Variants in SFSWAP observed in about 807,000 individuals in gnomAD.
SFSWAP encodes the protein splicing factor SWAP.
SFSWAP carries 17 observed loss-of-function variants against 100.7 expected under a neutral mutation model. The observed-to-expected ratio is 0.17, with a 90% confidence interval of 0.12 to 0.25. The LOEUF is 0.25. SFSWAP is among the 10% of genes least tolerant of loss of function. The pLI is 1.00. For missense variants in SFSWAP, 1,005 were observed against 1,262.6 expected (o/e 0.80, Z 3.09); for synonymous variants, 504 against 510.1 (o/e 0.99, Z 0.16).
At position 131,714,905 on chromosome 12, in the gene SFSWAP, T is replaced by G. The variant is rs1382295005; in HGVS notation, c.472T>G (p.Tyr158Asp). Residue 158 changes from tyrosine (Y) to aspartate (D), a missense_variant, in exon 3 of 18, where the codon TAC (tyrosine) becomes GAC (aspartate). Around this residue, in one of 7 missense-constraint regions of SFSWAP, gnomAD observed 237 missense variants for 337.0 expected, o/e 0.70. Coordinates refer to ENST00000261674, the MANE Select transcript of SFSWAP (RefSeq NM_004592.4). This position sits in a 1 kb window ranked among gnomAD's most constrained non-coding sequence, Gnocchi z 6.0. ...GGGGTTCACTTACGGTAGCGACTAT[T>G]ACGACCCGTCAGAGCCGACGGAGGA... is the stretch of plus-strand genomic sequence containing the variant. ...AVGFTYGSDY[Y>D]DPSEPTEEEE... is the part of the protein sequence containing the mutation. 7 of 1,614,026 alleles carry G rather than the reference T, an allele frequency of 4.3e-6. No individual in the cohort carries two copies. The Admixed American group carries it at 1.2e-4, about 27-fold the overall frequency.
Position 131,731,901 on chromosome 12 carries a change from CTTTTTTT to C in SFSWAP, c.1081+3493_1081+3499del, listed in dbSNP as rs755819493. Among the ~76,000 whole-genome samples, 256 of 55,310 alleles carry C rather than the reference CTTTTTTT, an allele frequency of 4.6e-3. No individual in the cohort carries two copies. The East Asian group carries it at 0.048, about 10-fold the overall frequency. The allele number at this position is 55,310 out of a possible 152,430, so 36.3% of individuals were successfully genotyped here. ...TTTTTGAGTATGCATTACTATTTTA[CTTTTTTT>C]TTTTTTTTTTTTTTTTTTTGAGACG... On this transcript the variant is annotated intron_variant, in intron 7 of 17. Transcript: ENST00000261674.
intron 13 of SFSWAP, among the ~76,000 whole-genome samples, chr12:131,769,199 T>G (rs1001497566): frequency 2.6e-5 from 4 of 152,166 alleles, no homozygotes; most frequent in African/African-American, 9.7e-5. Context: ...TGAGGACGCT[T>G]GTAGCCACAC....
chr12:131,711,574 T>A lies in SFSWAP; in HGVS notation c.218+127T>A. ...CAGCGGGGATCTGGGGGACACCCCC[T>A]CCCCTGTCCCCACCTCCTCCTGGTG... On this transcript the variant is annotated intron_variant, in intron 1 of 17. Coordinates refer to ENST00000261674, the MANE Select transcript of SFSWAP (RefSeq NM_004592.4). The surrounding 1 kb of genome is among the most constrained non-coding windows in gnomAD (Gnocchi z 4.9). 1.4e-6 allele frequency: 1 copy of A among 739,966 alleles called. No individual in the cohort carries two copies. 45.8% of individuals were successfully genotyped at this position (739,966 alleles called of 1,614,324 possible).
rs557133367 is a variant in SFSWAP at position 131,753,559 on chromosome 12, G to A, written c.1322+196G>A. ...AAATGGTTGTAGCACAAACTTTTTA[G>A]CATTGAAGTTAAACCACTTATAAAG... On this transcript the variant is annotated intron_variant, in intron 8 of 17. Transcript: ENST00000261674. 3.1e-4 allele frequency: 218 copies of A among 707,726 alleles called. 2 individuals carry two copies. In the South Asian group the frequency reaches 5.1e-3, roughly 17 times the overall value. 43.8% of individuals were successfully genotyped at this position (707,726 alleles called of 1,614,324 possible).
chr12:131,737,820 A>T (rs544049429), intron 7 of SFSWAP, among the ~76,000 whole-genome samples: 47 of 152,138 alleles, frequency 3.1e-4, no homozygotes, highest in Non-Finnish European at 5.4e-4. Flanking sequence ...TATATATATA[A>T]AATATGTGTA....
chr12:131,779,082 C>T (rs540935633), intron 14 of SFSWAP, among the ~76,000 whole-genome samples: 11 of 149,648 alleles, frequency 7.4e-5, no homozygotes, highest in Admixed American at 3.3e-4. Flanking sequence ...ACGCACTCAC[C>T]GGCACCGCAC....
chr12:131,768,133 A>G (rs1001265610), intron 13 of SFSWAP, among the ~76,000 whole-genome samples: 1 of 152,218 alleles, frequency 6.6e-6, no homozygotes, highest in Non-Finnish European at 1.5e-5. Context: ...TGCCCTGAAT[A>G]CTGCAGCTGC....
At chr12:131,753,560 C>A in intron 8 of SFSWAP, 197 bp downstream of exon 8, 1 of 704,104 alleles carries the variant, frequency 1.4e-6, no homozygotes, top group Non-Finnish European at 2.3e-6. Flanking sequence ...AACTTTTTAG[C>A]ATTGAAGTTA....
At chr12:131,721,775 G>A (rs1390980941) in intron 4 of SFSWAP, among the ~76,000 whole-genome samples, 1 of 152,172 alleles carries the variant, frequency 6.6e-6, no homozygotes, top group East Asian at 1.9e-4. Flanking sequence ...GTAAGTCTTA[G>A]TGTGTAGCAA....
At chr12:131,757,182 G>C (rs1044139022) in intron 11 of SFSWAP, 1 of 153,252 alleles carries the variant, frequency 6.5e-6, no homozygotes, top group Non-Finnish European at 1.5e-5. Context: ...CAGGAACCTC[G>C]TGGAGCAGCA....
At chr12:131,774,566 C>T (rs1466535401) in intron 13 of SFSWAP, among the ~76,000 whole-genome samples, 1 of 152,184 alleles carries the variant, frequency 6.6e-6, no homozygotes, top group African/African-American at 2.4e-5. Flanking sequence ...ACATGACTTC[C>T]GTTTTGATCA....
chr12:131,782,686 T>G (rs920013059), intron 14 of SFSWAP, among the ~76,000 whole-genome samples: 39 of 152,334 alleles, frequency 2.6e-4, no homozygotes, highest in African/African-American at 9.1e-4. Flanking sequence ...TAGAAAGCCT[T>G]CTTACAGCAC....
In SFSWAP at chr12:131,742,304, G is replaced by C. The variant is rs1880717738; in HGVS notation, c.1082-10819G>C. 2.0e-5 allele frequency among the ~76,000 whole-genome samples: 3 copies of C among 152,186 alleles called. No homozygotes were observed. The Middle Eastern group carries it at 0.01, about 518-fold the overall frequency. ...TTGCTCTCTTTACCCACAACTCTCT[G>C]GAACCTATTTTTATGTAAGAAGTCT... On this transcript the variant is annotated intron_variant, in intron 7 of 17. Coordinates refer to ENST00000261674, the MANE Select transcript of SFSWAP (RefSeq NM_004592.4).
intron 7 of SFSWAP, among the ~76,000 whole-genome samples, chr12:131,748,786 A>AT (rs1881362479): frequency 6.6e-6 from 1 of 152,268 alleles, no homozygotes; most frequent in South Asian, 2.1e-4. Flanking sequence ...GGTTCTCGTC[A>AT]TACAACTATA....
At chr12:131,771,897 G>A (rs1289663593) in intron 13 of SFSWAP, among the ~76,000 whole-genome samples, 8 of 152,064 alleles carry the variant, frequency 5.3e-5, no homozygotes, top group Admixed American at 3.3e-4. Context: ...TCTTGACCTC[G>A]TGATCAGCCC....
At chr12:131,761,554 G>C (rs1298390981) in intron 11 of SFSWAP, among the ~76,000 whole-genome samples, 1 of 152,200 alleles carries the variant, frequency 6.6e-6, no homozygotes, top group African/African-American at 2.4e-5. Context: ...CAGAGGTGAG[G>C]GGCAGTGCAA....
Position 131,711,199 on chromosome 12 carries a change from G to T in SFSWAP, c.-31G>T, listed in dbSNP as rs369569742. ...ATCAGGGACGTCGCGCGGCACAGAA[G>T]AGGACCAGCCTGGACGCCGGGGACG... On this transcript the variant is annotated 5_prime_UTR_variant, in exon 1 of 18. Coordinates refer to ENST00000261674, the MANE Select transcript of SFSWAP (RefSeq NM_004592.4). The surrounding 1 kb of genome is among the most constrained non-coding windows in gnomAD (Gnocchi z 4.9). 3.0e-5 allele frequency: 46 copies of T among 1,543,648 alleles called. No homozygotes were observed. Among genetic ancestry groups the T allele is most frequent in the South Asian group, 3.6e-5 (3 of 84,172 alleles).
Position 131,799,073 on chromosome 12 carries a change from A to G in SFSWAP, c.2754A>G (p.Ser918=). The G allele has an allele frequency of 6.2e-7, 1 of 1,614,094 alleles. No homozygotes were observed. Among genetic ancestry groups the G allele is most frequent in the Non-Finnish European group, 8.5e-7 (1 of 1,179,970 alleles). Residue 918 remains serine (S), a synonymous_variant, in exon 17 of 18, where the codon TCA becomes TCG. Coordinates refer to ENST00000261674, the MANE Select transcript of SFSWAP (RefSeq NM_004592.4). ...AGGAAAAAGAAGCCCAGATCTCTTCAGCAATCGTTTCTTCCGTGCAGAGCA... is the reference window on the plus strand; with the variant it reads ...AGGAAAAAGAAGCCCAGATCTCTTCGGCAATCGTTTCTTCCGTGCAGAGCA... The part of the protein sequence containing the change: ...VSQEKEAQIS[S]AIVSSVQSKI...
At chr12:131,788,518 T>C (rs1378408404) in intron 15 of SFSWAP, among the ~76,000 whole-genome samples, 1 of 152,050 alleles carries the variant, frequency 6.6e-6, no homozygotes, top group African/African-American at 2.4e-5. Context: ...TGGTTTTGTT[T>C]TCTTTTGGGG....
Sources: gnomAD v4.1 joint callset for allele counts (sites outside exome capture counted in the v4.1 genomes callset) on GRCh38, gnomAD v4.1.1 for gene constraint, gnomAD v4.1.1 regional missense constraint, Gnocchi (gnomAD v3.1) non-coding constraint, MANE v1.5 for transcripts, NCBI Gene and HGNC (gene_info 2026-07-23, HGNC 2026-07-21) for gene names.